STPG2: variants seen among roughly 807,000 people sequenced by gnomAD.
STPG2 encodes the protein sperm-tail PG-rich repeat-containing protein 2.
In STPG2, 56 loss-of-function variants were observed where a neutral mutation model predicts 54.2. That is an observed-to-expected ratio of 1.03 (90% CI 0.83 to 1.29). The LOEUF (loss-of-function observed/expected upper bound fraction) is 1.29. STPG2 is among the 50% of genes most tolerant of loss of function. The pLI, the probability that STPG2 is intolerant of heterozygous loss-of-function variation, is 0.00. For synonymous variants in STPG2, 200 were observed against 181.8 expected, an observed-to-expected ratio of 1.10 and a Z score of -0.81; for missense variants, 596 against 544.9, an observed-to-expected ratio of 1.09 and a Z score of -0.93.
Position 97,861,427 on chromosome 4 carries a change from A to G in STPG2, c.1045-20495T>C, listed in dbSNP as rs548129937. On this transcript the variant is annotated intron_variant, in intron 8 of 10. Coordinates refer to ENST00000295268, the MANE Select transcript of STPG2 (RefSeq NM_174952.3). Reference sequence around the variant, plus strand: ...AATTAGTACAACCACTTTGGAGAACAGCTTGGAGGTTCCTAAAAAGTACTA... The same window carrying G: ...AATTAGTACAACCACTTTGGAGAACGGCTTGGAGGTTCCTAAAAAGTACTA... Among the ~76,000 whole-genome samples the G allele has an allele frequency of 4.6e-5, 7 of 152,274 alleles. No homozygotes were observed. The South Asian group carries it at 1.4e-3, about 32-fold the overall frequency.
At chr4:97,586,489 C>T (rs1473706374) in intron 10 of STPG2, among the ~76,000 whole-genome samples, 1 of 151,966 alleles carries the variant, frequency 6.6e-6, no homozygotes, top group East Asian at 1.9e-4. Context: ...AAACTCCAAA[C>T]AGGATAAACT....
intron 10 of STPG2, among the ~76,000 whole-genome samples, chr4:97,562,578 T>G (rs1225822285): frequency 1.3e-5 from 2 of 152,198 alleles, no homozygotes; most frequent in Non-Finnish European, 2.9e-5. Flanking sequence ...GGCTGTGGGT[T>G]TGTCATAGAT....
chr4:98,041,569 T>C (rs1355158520), intron 5 of STPG2, among the ~76,000 whole-genome samples: 2 of 152,056 alleles, frequency 1.3e-5, no homozygotes, highest in Non-Finnish European at 2.9e-5. Flanking sequence ...CAAATGCTGC[T>C]TCTGCATCTA....
chr4:98,045,700 A>C (rs1437372434), intron 5 of STPG2, among the ~76,000 whole-genome samples: 1 of 152,072 alleles, frequency 6.6e-6, no homozygotes. Context: ...TTTTGCTAAA[A>C]AATATTTATT....
Position 98,020,516 on chromosome 4 carries a change from G to A in STPG2, c.613-39198C>T, listed in dbSNP as rs182290026. On this transcript the variant is annotated intron_variant, in intron 5 of 10. Coordinates refer to ENST00000295268, the MANE Select transcript of STPG2 (RefSeq NM_174952.3). ...TATCTCTGCCCGGCTTTGGTATCAGGATGATACTGGCCTGATAAAATGAGT... is the reference window on the plus strand; with the variant it reads ...TATCTCTGCCCGGCTTTGGTATCAGAATGATACTGGCCTGATAAAATGAGT... Among the ~76,000 whole-genome samples, 208 of 152,100 alleles carry A rather than the reference G, an allele frequency of 1.4e-3. 2 individuals carry two copies. Among genetic ancestry groups the A allele is most frequent in the Non-Finnish European group, 2.5e-4 (17 of 68,002 alleles).
chr4:97,853,843 A>T (rs971537140), intron 8 of STPG2, among the ~76,000 whole-genome samples: 1 of 152,090 alleles, frequency 6.6e-6, no homozygotes, highest in Admixed American at 6.6e-5. Context: ...GTGCAGTGAC[A>T]TGATCACAGT....
chr4:97,542,254 A>T (rs1033739122), intron 4 of STPG2, among the ~76,000 whole-genome samples: 11 of 152,346 alleles, frequency 7.2e-5, no homozygotes, highest in African/African-American at 2.6e-4. Flanking sequence ...ATCTACAAAG[A>T]ACTCAAACAA....
In STPG2 at chr4:97,679,419, G is replaced by A. The variant is rs576940011; in HGVS notation, c.1320+33280C>T. The stretch of plus-strand genomic sequence containing the variant: ...TCATGTGTTTCTTGGCTGCATACAT[G>A]TCTACCTTTGAGAAGTGTCTGTTCA... On this transcript the variant is annotated intron_variant, in intron 10 of 10. Coordinates refer to ENST00000295268, the MANE Select transcript of STPG2 (RefSeq NM_174952.3). Among the ~76,000 whole-genome samples the A allele has an allele frequency of 5.3e-5, 8 of 152,216 alleles. No individual in the cohort carries two copies. The East Asian group carries it at 1.2e-3, about 22-fold the overall frequency.
At chr4:97,719,393 T>A (rs1023769292) in intron 9 of STPG2, among the ~76,000 whole-genome samples, 5 of 151,912 alleles carry the variant, frequency 3.3e-5, no homozygotes, top group African/African-American at 9.7e-5. Flanking sequence ...GACATCAGAA[T>A]CATCCCAATT....
chr4:97,627,544 T>C (rs967978759), intron 10 of STPG2, among the ~76,000 whole-genome samples: 9 of 152,184 alleles, frequency 5.9e-5, no homozygotes, highest in Admixed American at 1.3e-4. Context: ...TCATGTAAGA[T>C]AGTACAAAAT....
At chr4:97,921,902 T>G (rs1052233498) in intron 8 of STPG2, among the ~76,000 whole-genome samples, 1 of 152,218 alleles carries the variant, frequency 6.6e-6, no homozygotes, top group Non-Finnish European at 1.5e-5. Flanking sequence ...GACATTATGA[T>G]AAGGGAAATT....
intron 10 of STPG2, among the ~76,000 whole-genome samples, chr4:97,618,772 T>C (rs1001291909): frequency 6.6e-6 from 1 of 152,206 alleles, no homozygotes; most frequent in African/African-American, 2.4e-5. Context: ...TCTGTTTTGC[T>C]GTGTATTTTA....
intron 10 of STPG2, among the ~76,000 whole-genome samples, chr4:97,644,045 C>A (rs72684443): frequency 0.018 from 2,799 of 151,924 alleles, 49 homozygotes; most frequent in Non-Finnish European, 0.026. Flanking sequence ...TGGCAAAGTT[C>A]ACCTGCCACC....
chr4:98,133,673 C>T (rs1740060624), intron 2 of STPG2, among the ~76,000 whole-genome samples: 1 of 151,902 alleles, frequency 6.6e-6, no homozygotes, highest in African/African-American at 2.4e-5. Flanking sequence ...ATTTAAAAGC[C>T]ATTACCATAG....
At chr4:97,512,363 G>A (rs928364885) in intron 4 of STPG2, among the ~76,000 whole-genome samples, 3 of 152,066 alleles carry the variant, frequency 2.0e-5, no homozygotes, top group Admixed American at 6.6e-5. Flanking sequence ...TGTGAGAAGC[G>A]TTCACTTCAG....
chr4:97,649,617 G>T (rs2148952124), intron 10 of STPG2, among the ~76,000 whole-genome samples: 1 of 152,246 alleles, frequency 6.6e-6, no homozygotes, highest in South Asian at 2.1e-4. Context: ...AAGCTTAAAA[G>T]ATGTTTCAGT....
At chr4:97,957,249 G>A (rs937229650) in intron 7 of STPG2, among the ~76,000 whole-genome samples, 1 of 142,006 alleles carries the variant, frequency 7.0e-6, no homozygotes, top group Non-Finnish European at 1.6e-5. Flanking sequence ...CAAAACTTCA[G>A]TAAACAATGG....
chr4:97,466,218 C>T (rs866427020), intron 4 of STPG2, among the ~76,000 whole-genome samples: 1 of 151,954 alleles, frequency 6.6e-6, no homozygotes, highest in South Asian at 2.1e-4. Context: ...GCACCAAGGC[C>T]GTAGAGTCTA....
chr4:98,132,877 G>C (rs1740037013), intron 2 of STPG2, among the ~76,000 whole-genome samples: 1 of 145,464 alleles, frequency 6.9e-6, no homozygotes, highest in Admixed American at 7.1e-5. Flanking sequence ...ACAGAAATCA[G>C]AGATGGGAAT....
Sources: gnomAD v4.1 joint callset for allele counts (sites outside exome capture counted in the v4.1 genomes callset) on GRCh38, gnomAD v4.1.1 for gene constraint, MANE v1.5 for transcripts, NCBI Gene and HGNC (gene_info 2026-07-23, HGNC 2026-07-21) for gene names.